CDH18: variants seen among roughly 807,000 people sequenced by gnomAD.
CDH18 encodes cadherin 18, also known as cadherin-18.
CDH18 carries 31 observed loss-of-function variants against 67.9 expected under a neutral mutation model. The ratio of observed to expected loss-of-function variants is 0.46; its 90% CI spans 0.34 to 0.62. CDH18 has a LOEUF of 0.62. Ranked by LOEUF, CDH18 falls within the 20% of genes least tolerant of loss-of-function variation. CDH18 has a pLI of 0.01. For synonymous variants in CDH18, 362 were observed against 347.2 expected (o/e 1.04, Z -0.48); for missense variants, 890 against 975.5 (o/e 0.91, Z 1.17).
intron 1 of CDH18, among the ~76,000 whole-genome samples, chr5:20,286,182 G>A (rs1746682252): frequency 6.6e-6 from 1 of 151,312 alleles, no homozygotes; most frequent in Admixed American, 6.6e-5. Context: ...GATTTCAATG[G>A]ATTTTTAATA....
At chr5:19,661,917 A>T (rs1046251098) in intron 5 of CDH18, among the ~76,000 whole-genome samples, 9 of 152,076 alleles carry the variant, frequency 5.9e-5, no homozygotes, top group African/African-American at 1.7e-4. Context: ...CAGAAGCCAT[A>T]ACTCAGAGGG....
chr5:19,624,684 G>C (rs539566520), intron 5 of CDH18, among the ~76,000 whole-genome samples: 3 of 152,158 alleles, frequency 2.0e-5, no homozygotes, highest in Non-Finnish European at 2.9e-5. Flanking sequence ...ACAGCTGGAA[G>C]TGTGCTGCTG....
At chr5:19,591,982 TA>T (rs1745218002) in intron 6 of CDH18, among the ~76,000 whole-genome samples, 1 of 152,104 alleles carries the variant, frequency 6.6e-6, no homozygotes, top group African/African-American at 2.4e-5. Context: ...AAGACAGTGA[TA>T]TTTTATATAC....
chr5:19,942,942 A>G (rs1333455581), intron 2 of CDH18, among the ~76,000 whole-genome samples: 1 of 152,112 alleles, frequency 6.6e-6, no homozygotes, highest in Non-Finnish European at 1.5e-5. Context: ...TGGGTGACCC[A>G]TGTCGGGGGC....
chr5:20,071,383 A>G (rs1245679796), intron 2 of CDH18, among the ~76,000 whole-genome samples: 1 of 152,042 alleles, frequency 6.6e-6, no homozygotes, highest in Non-Finnish European at 1.5e-5. Context: ...CACAAGCTAA[A>G]CACAGGGCAC....
chr5:20,065,622 A>C (rs1367919810), intron 2 of CDH18, among the ~76,000 whole-genome samples: 1 of 152,064 alleles, frequency 6.6e-6, no homozygotes, highest in African/African-American at 2.4e-5. Flanking sequence ...AAAAATGCCC[A>C]GAACACTTAC....
chr5:20,455,993 T>C (rs148615926), intron 1 of CDH18, among the ~76,000 whole-genome samples: 3 of 152,220 alleles, frequency 2.0e-5, no homozygotes, highest in East Asian at 3.9e-4. Flanking sequence ...TGCTTTTGAA[T>C]TATATTTCTC....
chr5:20,501,556 A>AAT lies in CDH18; in HGVS notation c.-580+73904_-580+73905dup, dbSNP rs1197846774. On this transcript the variant is annotated intron_variant, in intron 1 of 14. Coordinates refer to the CDH18 transcript ENST00000507958. The stretch of plus-strand genomic sequence containing the variant: ...TATATTATATACATATTATATATAT[A>AAT]ATATATATATATAATATATATATAT... 9.8e-3 allele frequency among the ~76,000 whole-genome samples: 575 copies of AAT among 58,400 alleles called. 11 individuals are homozygous for AAT. The highest frequency in any genetic ancestry group is 0.013 in the Non-Finnish European group (423 of 33,788). The allele number at this position is 58,400 out of a possible 152,430, so 38.3% of individuals were successfully genotyped here. A position where few individuals can be genotyped will look rare whatever the true frequency, so the allele number is the denominator to read the frequency against.
intron 1 of CDH18, among the ~76,000 whole-genome samples, chr5:20,547,444 C>G (rs987958935): frequency 6.6e-6 from 1 of 151,818 alleles, no homozygotes; most frequent in Non-Finnish European, 1.5e-5. Context: ...CCCTGTACTC[C>G]CAGCTACTCA....
At chr5:19,557,856 C>T (rs1269917554) in intron 8 of CDH18, among the ~76,000 whole-genome samples, 1 of 152,050 alleles carries the variant, frequency 6.6e-6, no homozygotes, top group Non-Finnish European at 1.5e-5. Flanking sequence ...TATTCATCAG[C>T]ACATGGAACA....
chr5:20,240,816 G>C (rs1389495022), intron 2 of CDH18, among the ~76,000 whole-genome samples: 1 of 151,916 alleles, frequency 6.6e-6, no homozygotes, highest in Non-Finnish European at 1.5e-5. Context: ...TTTTATTTTT[G>C]CTGCTTATTT....
chr5:20,000,780 C>T (rs1736380901), intron 2 of CDH18, among the ~76,000 whole-genome samples: 1 of 151,028 alleles, frequency 6.6e-6, no homozygotes, highest in Non-Finnish European at 1.5e-5. Context: ...AAAGAAAGAG[C>T]AGGTGAAATA....
intron 2 of CDH18, among the ~76,000 whole-genome samples, chr5:19,920,986 C>G (rs1475145562): frequency 6.6e-6 from 1 of 150,886 alleles, no homozygotes; most frequent in African/African-American, 2.4e-5. Context: ...AAAGATGAGT[C>G]ATTTAAAAAA....
intron 2 of CDH18, among the ~76,000 whole-genome samples, chr5:19,865,629 C>T (rs1785397364): frequency 6.6e-6 from 1 of 152,032 alleles, no homozygotes; most frequent in African/African-American, 2.4e-5. Context: ...CAGGACCACC[C>T]AGGTGCTTAA....
rs1743367056 is a variant in CDH18, at chr5:19,502,221, A to C, written c.1630+771T>G. Among the ~76,000 whole-genome samples the C allele has an allele frequency of 1.3e-5, 2 of 152,158 alleles. 1 individual carries two copies. The highest frequency in any genetic ancestry group is 4.1e-4 in the South Asian group (2 of 4,834). On this transcript the variant is annotated intron_variant, in intron 11 of 12. Transcript: ENST00000382275. ...GTTTTCTGCATGTGATTCTGAGGCA[A>C]GTGTTAAATTCCAAATAGCAGCATA...
At chr5:20,340,005 A>T (rs1740121610) in intron 1 of CDH18, among the ~76,000 whole-genome samples, 1 of 152,210 alleles carries the variant, frequency 6.6e-6, no homozygotes, top group Admixed American at 6.5e-5. Context: ...TAAATGGAAC[A>T]TTGATGAAAG....
chr5:20,153,976 A>T (rs1751333781), intron 2 of CDH18, among the ~76,000 whole-genome samples: 1 of 152,242 alleles, frequency 6.6e-6, no homozygotes. Flanking sequence ...ATATGTGCAC[A>T]GAATTAACAC....
intron 1 of CDH18, among the ~76,000 whole-genome samples, chr5:20,344,482 C>T (rs986998334): frequency 6.6e-6 from 1 of 151,958 alleles, no homozygotes; most frequent in Non-Finnish European, 1.5e-5. Flanking sequence ...TGATAAAGTA[C>T]TAATTAATAC....
intron 3 of CDH18, among the ~76,000 whole-genome samples, chr5:19,819,509 A>C (rs140412678): frequency 3.0e-4 from 45 of 152,276 alleles, no homozygotes; most frequent in Non-Finnish European, 5.7e-4. Flanking sequence ...TGGAGTCTCC[A>C]AGTGTCAAGA....
Sources: gnomAD v4.1 joint callset for allele counts (sites outside exome capture counted in the v4.1 genomes callset) on GRCh38, gnomAD v4.1.1 for gene constraint, MANE v1.5 for transcripts, NCBI Gene and HGNC (gene_info 2026-07-23, HGNC 2026-07-21) for gene names.